Variants in DPP10 observed in about 807,000 individuals in gnomAD.
The protein encoded by DPP10 is inactive dipeptidyl peptidase 10.
A neutral mutation model predicts 120.9 loss-of-function variants in DPP10; 33 were observed. The observed-to-expected ratio is 0.27, with a 90% CI of 0.21 to 0.37. DPP10 has a LOEUF of 0.37. Ranked by LOEUF, DPP10 falls within the 10% of genes least tolerant of loss-of-function variation. The pLI is 1.00. For missense variants in DPP10, 816 were observed against 942.8 expected, an observed-to-expected ratio of 0.87 and a Z score of 1.76; for synonymous variants, 337 against 326.1, an observed-to-expected ratio of 1.03 and a Z score of -0.36.
rs555997763 is a variant in DPP10 at position 114,569,591 on chromosome 2, G to A, written c.60+126753G>A. Reference sequence around the variant, plus strand: ...TTTGCCCAACAATGAGGCCCATCAGGTTATTATTGTCCCCTGAGAAAATAT... The same window carrying A: ...TTTGCCCAACAATGAGGCCCATCAGATTATTATTGTCCCCTGAGAAAATAT... On this transcript the variant is annotated intron_variant, in intron 1 of 25. Coordinates refer to ENST00000410059, the MANE Select transcript of DPP10 (RefSeq NM_020868.6). 1.1e-4 allele frequency among the ~76,000 whole-genome samples: 16 copies of A among 152,210 alleles called. No individual in the cohort carries two copies. The South Asian group carries it at 3.1e-3, about 30-fold the overall frequency.
At chr2:114,649,861 C>T (rs1205702151) in intron 1 of DPP10, among the ~76,000 whole-genome samples, 1 of 151,632 alleles carries the variant, frequency 6.6e-6, no homozygotes, top group African/African-American at 2.4e-5. Context: ...CTTATAAATT[C>T]CATATATCTG....
chr2:114,883,278 G>A (rs936664339), intron 1 of DPP10, among the ~76,000 whole-genome samples: 2 of 152,132 alleles, frequency 1.3e-5, no homozygotes, highest in African/African-American at 4.8e-5. Context: ...CTCTGTGCTC[G>A]TGTTTCTTAT....
intron 3 of DPP10, among the ~76,000 whole-genome samples, chr2:115,400,620 G>T (rs1159545014): frequency 6.6e-6 from 1 of 152,176 alleles, no homozygotes; most frequent in African/African-American, 2.4e-5. Context: ...CCACTGTAGA[G>T]TGAAAATGTG....
At chr2:114,985,219 C>CT (rs965287056) in intron 1 of DPP10, among the ~76,000 whole-genome samples, 10 of 151,686 alleles carry the variant, frequency 6.6e-5, no homozygotes, top group East Asian at 5.8e-4. Context: ...TGACTTTGTA[C>CT]TTTTTTTTTC....
intron 5 of DPP10, among the ~76,000 whole-genome samples, chr2:115,540,491 C>A (rs1217509568): frequency 6.6e-6 from 1 of 151,848 alleles, no homozygotes; most frequent in East Asian, 1.9e-4. Context: ...TTTTCTGCAT[C>A]TTCCTAATTC....
intron 1 of DPP10, among the ~76,000 whole-genome samples, chr2:115,227,990 T>C (rs1405768535): frequency 6.6e-6 from 1 of 151,252 alleles, no homozygotes; most frequent in Non-Finnish European, 1.5e-5. Context: ...AGTGTGATCG[T>C]GGCTCTCTGC....
intron 12 of DPP10, among the ~76,000 whole-genome samples, chr2:115,765,215 A>G (rs1225025239): frequency 6.6e-6 from 1 of 152,134 alleles, no homozygotes; most frequent in Non-Finnish European, 1.5e-5. Flanking sequence ...CTAAGGTACT[A>G]GAACTGGGGA....
At chr2:114,724,547 G>C (rs191383722) in intron 1 of DPP10, among the ~76,000 whole-genome samples, 8 of 152,146 alleles carry the variant, frequency 5.3e-5, no homozygotes, top group Non-Finnish European at 7.4e-5. Flanking sequence ...GCCGGTTTGG[G>C]GGGTATGAGG....
chr2:115,282,452 C>A (rs958140101), intron 1 of DPP10, among the ~76,000 whole-genome samples: 1 of 151,864 alleles, frequency 6.6e-6, no homozygotes, highest in African/African-American at 2.4e-5. Context: ...AATTAAAAAC[C>A]CATCAAATCT....
At chr2:115,719,587 A>G (rs2092592362) in intron 7 of DPP10, among the ~76,000 whole-genome samples, 1 of 152,224 alleles carries the variant, frequency 6.6e-6, no homozygotes, top group African/African-American at 2.4e-5. Context: ...TTTGCTTTGC[A>G]TTATATAACT....
chr2:114,699,067 G>T (rs770301801), intron 1 of DPP10, among the ~76,000 whole-genome samples: 3 of 152,080 alleles, frequency 2.0e-5, no homozygotes, highest in Non-Finnish European at 4.4e-5. Flanking sequence ...CAAACCTGTT[G>T]TTCTATTTGT....
intron 1 of DPP10, among the ~76,000 whole-genome samples, chr2:114,455,731 T>TTTA (rs1553443892): frequency 2.4e-4 from 35 of 148,436 alleles, no homozygotes; most frequent in Middle Eastern, 7.2e-3. Flanking sequence ...ATTCATTTGT[T>TTTA]TTTTTTTTTT....
chr2:114,659,908 T>C (rs1368914083), intron 1 of DPP10, among the ~76,000 whole-genome samples: 1 of 152,168 alleles, frequency 6.6e-6, no homozygotes, highest in Non-Finnish European at 1.5e-5. Flanking sequence ...ATATCAAGTG[T>C]TGCCAGCAAC....
intron 1 of DPP10, among the ~76,000 whole-genome samples, chr2:115,115,425 T>G (rs1443955433): frequency 6.6e-6 from 1 of 152,164 alleles, no homozygotes; most frequent in African/African-American, 2.4e-5. Flanking sequence ...ATTTGGATCA[T>G]CTATTCTCAG....
At chr2:114,665,041 G>A (rs1697812726) in intron 1 of DPP10, among the ~76,000 whole-genome samples, 3 of 152,284 alleles carry the variant, frequency 2.0e-5, no homozygotes, top group Admixed American at 1.3e-4. Context: ...ACAAAAGATG[G>A]TATGGGGGTT....
intron 1 of DPP10, among the ~76,000 whole-genome samples, chr2:114,457,530 T>G (rs907682912): frequency 6.6e-6 from 1 of 152,188 alleles, no homozygotes; most frequent in Admixed American, 6.6e-5. Flanking sequence ...AGTCTATTTT[T>G]GGGCCTTTCT....
chr2:114,801,882 A>G (rs1684283266), intron 1 of DPP10, among the ~76,000 whole-genome samples: 1 of 152,182 alleles, frequency 6.6e-6, no homozygotes, highest in African/African-American at 2.4e-5. Context: ...AGGACCAAAG[A>G]CTGAAATATT....
chr2:115,393,255 A>G (rs1472907921), intron 3 of DPP10, among the ~76,000 whole-genome samples: 2 of 151,930 alleles, frequency 1.3e-5, no homozygotes, highest in Non-Finnish European at 2.9e-5. Context: ...GGAGGTTGCA[A>G]TTAGCGGAGA....
At chr2:114,596,677 C>G (rs1383244433) in intron 1 of DPP10, among the ~76,000 whole-genome samples, 1 of 151,934 alleles carries the variant, frequency 6.6e-6, no homozygotes, top group East Asian at 1.9e-4. Flanking sequence ...CATCTCTTTC[C>G]AGTTATCCTG....
Sources: allele counts gnomAD v4.1 joint callset (sites outside exome capture counted in the v4.1 genomes callset), GRCh38; gene constraint gnomAD v4.1.1; transcripts MANE v1.5; gene names NCBI Gene and HGNC (gene_info 2026-07-23, HGNC 2026-07-21).